Variants in NFE2 observed in about 807,000 individuals in gnomAD.
The protein encoded by NFE2 is transcription factor NF-E2 45 kDa subunit.
In NFE2, 13 loss-of-function variants were observed where a neutral mutation model predicts 25.8. That is an observed-to-expected ratio of 0.50 (90% confidence interval 0.33 to 0.80). The LOEUF (loss-of-function observed/expected upper bound fraction) is 0.80, where lower values mean the gene tolerates loss of function less well. Among genes scored for constraint, NFE2 ranks in the 30% least tolerant of loss-of-function variants. The probability of loss-of-function intolerance (pLI) is 0.02; values close to 1 mark genes in which losing one functional copy is unlikely to be tolerated. For missense variants in NFE2, 382 were observed against 478.9 expected (o/e 0.80, Z 1.89); for synonymous variants, 204 against 200.2 (o/e 1.02, Z -0.16).
chr12:54,298,479 C>A (rs1422923928), intron 1 of NFE2, among the ~76,000 whole-genome samples: 2 of 147,274 alleles, frequency 1.4e-5, no homozygotes, highest in Admixed American at 6.8e-5. Flanking sequence ...TGCACTCCAG[C>A]CTGGGCAACA....
chr12:54,294,731 T>C (rs1944354118), intron 2 of NFE2, among the ~76,000 whole-genome samples: 1 of 152,116 alleles, frequency 6.6e-6, no homozygotes, highest in African/African-American at 2.4e-5. Flanking sequence ...CTGAGGCCCC[T>C]GAACTACTGC....
Position 54,292,279 on chromosome 12 carries a change from G to T in NFE2, c.*95C>A. 1 of 1,328,892 alleles carries T rather than the reference G, an allele frequency of 7.5e-7. No homozygotes were observed. Among genetic ancestry groups the T allele is most frequent in the Non-Finnish European group, 1.0e-6 (1 of 959,858 alleles). The allele number at this position is 1,328,892 out of a possible 1,614,324, so 82.3% of individuals were successfully genotyped here. On this transcript the variant is annotated 3_prime_UTR_variant, in exon 3 of 3. Coordinates refer to ENST00000435572, the MANE Select transcript of NFE2 (RefSeq NM_001136023.3). The stretch of plus-strand genomic sequence containing the variant: ...CATTGTCATCCTCTTCTGGTCTAGA[G>T]AACTCAGCTCCTTCTGGGACTCAGG...
rs1242427530 is a variant in NFE2, at chr12:54,300,882, T to C, written c.-138A>G. 2 of 152,542 alleles carry C rather than the reference T, an allele frequency of 1.3e-5. No individual in the cohort carries two copies. The highest frequency in any genetic ancestry group is 4.8e-5 in the African/African-American group (2 of 41,432). 9.4% of individuals were successfully genotyped at this position (152,542 alleles called of 1,614,324 possible). On this transcript the variant is annotated 5_prime_UTR_variant, in exon 1 of 3. Coordinates refer to ENST00000435572, the MANE Select transcript of NFE2 (RefSeq NM_001136023.3). ...GGGGAGGCTGAGCCTGAGCTGACAC[T>C]GCTGGACGAGGATCCCGGCTACCTT...
intron 1 of NFE2, among the ~76,000 whole-genome samples, chr12:54,298,542 G>A (rs1432659242): frequency 1.3e-5 from 2 of 149,362 alleles, no homozygotes; most frequent in Admixed American, 6.7e-5. Flanking sequence ...ATACATGACC[G>A]TGGGCAAATT....
chr12:54,300,991 G>C lies in NFE2; in HGVS notation c.-247C>G, dbSNP rs1208360633. On this transcript the variant is annotated 5_prime_UTR_variant, in exon 1 of 3. Transcript: ENST00000435572. ...AGCTCAGGCTGAGCTGAGCACAGGA[G>C]CCCCAAGCAGGCGCACCAGCGTCTG... 6.6e-6 allele frequency: 1 copy of C among 152,314 alleles called. No individual in the cohort carries two copies. The highest frequency in any genetic ancestry group is 1.5e-5 in the Non-Finnish European group (1 of 68,134). The allele number at this position is 152,314 out of a possible 1,614,324, so 9.4% of individuals were successfully genotyped here. A position where few individuals can be genotyped will look rare whatever the true frequency, so the allele number is the denominator to read the frequency against.
At chr12:54,297,519 G>T (rs1032188281) in intron 1 of NFE2, among the ~76,000 whole-genome samples, 3 of 151,120 alleles carry the variant, frequency 2.0e-5, no homozygotes, top group African/African-American at 7.3e-5. Flanking sequence ...ACAAGTAATA[G>T]CCAGGCTTGG....
chr12:54,298,484 G>GCAA (rs1385020290), intron 1 of NFE2, among the ~76,000 whole-genome samples: 1 of 138,670 alleles, frequency 7.2e-6, no homozygotes, highest in African/African-American at 2.8e-5. Flanking sequence ...TCCAGCCTGG[G>GCAA]CAACAAGAGT....
chr12:54,299,684 G>A (rs1944405035), intron 1 of NFE2, among the ~76,000 whole-genome samples: 1 of 152,156 alleles, frequency 6.6e-6, no homozygotes, highest in Non-Finnish European at 1.5e-5. Flanking sequence ...GAGGGATGAT[G>A]GAGAGAGGAA....
Position 54,293,176 on chromosome 12 carries a change from G to A in NFE2, c.320C>T (p.Ser107Phe). Reference protein sequence around the residue: ...YSYGNMAIPVSKPLSLSGLLS... With the variant: ...YSYGNMAIPVFKPLSLSGLLS... ...CAGGCCTGAGAGGCTCAGTGGCTTG[G>A]AGACTGGTATGGCCATGTTGCCATA... Residue 107 changes from serine to phenylalanine, a missense_variant, in exon 3 of 3, where the codon TCC (serine) becomes TTC (phenylalanine). Transcript: ENST00000435572. The A allele has an allele frequency of 6.4e-7, 1 of 1,562,670 alleles. No individual in the cohort carries two copies. Among genetic ancestry groups the A allele is most frequent in the East Asian group, 2.3e-5 (1 of 44,336 alleles).
At chr12:54,297,284 G>T (rs1408352730) in intron 1 of NFE2, among the ~76,000 whole-genome samples, 1 of 143,368 alleles carries the variant, frequency 7.0e-6, no homozygotes, top group East Asian at 2.1e-4. Flanking sequence ...GAACCTGAAA[G>T]GTCACGGCTG....
In NFE2 at chr12:54,292,634, G is replaced by A; in HGVS notation, c.862C>T (p.Leu288=). The A allele has an allele frequency of 6.2e-7, 1 of 1,614,170 alleles. No individual in the cohort carries two copies. Among genetic ancestry groups the A allele is most frequent in the Admixed American group, 1.7e-5 (1 of 60,030 alleles). Residue 288 remains leucine (L), a synonymous_variant, in exon 3 of 3, where the codon CTG becomes TTG. Transcript: ENST00000435572. ...CGCTCCAGCTGCACAATGGTTTCCA[G>A]CTTCCTCTTGCGGCAGTTCTGGGCT... The part of the protein sequence containing the change: ...VAAQNCRKRK[L]ETIVQLEREL...
chr12:54,298,979 C>T (rs576963655), intron 1 of NFE2, among the ~76,000 whole-genome samples: 2 of 149,988 alleles, frequency 1.3e-5, no homozygotes, highest in Admixed American at 6.7e-5. Context: ...TGAACCTGGG[C>T]GGTAGAGGTT....
intron 2 of NFE2, among the ~76,000 whole-genome samples, chr12:54,294,591 C>A (rs577850402): frequency 6.6e-6 from 1 of 152,240 alleles, no homozygotes; most frequent in African/African-American, 2.4e-5. Flanking sequence ...GAAACAAGGC[C>A]CCCAACCTAC....
intron 1 of NFE2, among the ~76,000 whole-genome samples, chr12:54,300,542 C>T (rs558104266): frequency 2.0e-4 from 31 of 152,230 alleles, no homozygotes; most frequent in African/African-American, 7.0e-4. Context: ...GGTGCCTTGC[C>T]TCTGGAGACC....
At chr12:54,297,666 GGAAAAAAAAAA>G (rs1435623322) in intron 1 of NFE2, 13 of 74,802 alleles carry the variant, frequency 1.7e-4, no homozygotes, top group South Asian at 6.0e-4. Flanking sequence ...ACTCTGTTTC[GGAAAAAAAAAA>G]AAAAAAAAAA....
chr12:54,295,049 C>G (rs929195657), intron 2 of NFE2, 86 bp downstream of exon 2: 8 of 1,084,546 alleles, frequency 7.4e-6, no homozygotes, highest in African/African-American at 1.5e-5. Flanking sequence ...CCTGCTTGCT[C>G]CTGCCCTCTG....
Position 54,295,167 on chromosome 12 carries a change from A to G in NFE2, c.82T>C (p.Trp28Arg). 1 of 1,613,994 alleles carries G rather than the reference A, an allele frequency of 6.2e-7. No homozygotes were observed. Among genetic ancestry groups the G allele is most frequent in the Non-Finnish European group, 8.5e-7 (1 of 1,179,972 alleles). The change falls in exon 2 of 3, where the codon TGG becomes CGG. Residue 28 changes from tryptophan (W) to arginine (R), a missense_variant. By Grantham distance (101) the Trp-to-Arg change is moderately radical. Coordinates refer to ENST00000435572, the MANE Select transcript of NFE2 (RefSeq NM_001136023.3). ...TCGGTGATGGACATGATCTCCTGCC[A>G]AGTCAGTTCCATCTCTCCTAGCTCT... ...TSELGEMELT[W>R]QEIMSITELQ...
intron 1 of NFE2, among the ~76,000 whole-genome samples, chr12:54,300,481 G>C (rs890038445): frequency 6.6e-6 from 1 of 152,046 alleles, no homozygotes; most frequent in African/African-American, 2.4e-5. Context: ...GTTCCCTCAG[G>C]GTAGCCCACC....
At chr12:54,298,654 T>C (rs564480053) in intron 1 of NFE2, among the ~76,000 whole-genome samples, 1 of 152,256 alleles carries the variant, frequency 6.6e-6, no homozygotes, top group Admixed American at 6.5e-5. Flanking sequence ...ACAAACTTCA[T>C]TGTGTGCCAC....
Sources: gnomAD v4.1 joint callset for allele counts (sites outside exome capture counted in the v4.1 genomes callset) on GRCh38, gnomAD v4.1.1 for gene constraint, MANE v1.5 for transcripts, NCBI Gene and HGNC (gene_info 2026-07-23, HGNC 2026-07-21) for gene names.